The following VPS4A variants were observed in gnomAD, a reference collection of about 807,000 sequenced individuals.
VPS4A encodes vacuolar protein sorting-associated protein 4A.
In VPS4A, 20 loss-of-function variants were observed where a neutral mutation model predicts 52.3. The observed-to-expected ratio is 0.38, with a 90% CI of 0.27 to 0.56. The LOEUF (loss-of-function observed/expected upper bound fraction) is 0.56. Ranked by LOEUF, VPS4A falls within the 20% of genes least tolerant of loss-of-function variation. The pLI, the probability that VPS4A is intolerant of heterozygous loss-of-function variation, is 0.72. For missense variants in VPS4A, 419 were observed against 575.9 expected (o/e 0.73, Z 2.79); for synonymous variants, 293 against 227.7 (o/e 1.29, Z -2.58).
At chr16:69,316,633 C>T (rs962318127) in intron 3 of VPS4A, among the ~76,000 whole-genome samples, 3 of 152,190 alleles carry the variant, frequency 2.0e-5, no homozygotes, top group Non-Finnish European at 4.4e-5. Flanking sequence ...CCAGCTCTGT[C>T]ACCTCCCAGC....
rs1965596682 is a variant in VPS4A at position 69,326,422 on chromosome 16, C to T, written c.*2113C>T. 2 of 152,224 alleles carry T rather than the reference C, an allele frequency of 1.3e-5. No homozygotes were observed. The highest frequency in any genetic ancestry group is 1.5e-5 in the Non-Finnish European group (1 of 68,034). The allele number at this position is 152,224 out of a possible 1,614,324, so 9.4% of individuals were successfully genotyped here. A position where few individuals can be genotyped will look rare whatever the true frequency, so the allele number is the denominator to read the frequency against. The stretch of plus-strand genomic sequence containing the variant: ...TATGAACCGTGTCTGCAGAGCTTCA[C>T]TTTAGTGAGCTTACAAGTTTTTAAA... On this transcript the variant is annotated 3_prime_UTR_variant, in exon 11 of 11. Transcript: ENST00000254950.
At chr16:69,318,149 G>GT (rs1385873771) in intron 3 of VPS4A, among the ~76,000 whole-genome samples, 3 of 151,980 alleles carry the variant, frequency 2.0e-5, no homozygotes, top group East Asian at 1.9e-4. Context: ...CTAATTTTGT[G>GT]TTTTTTGTAG....
chr16:69,318,531 T>A, intron 3 of VPS4A, 119 bp from the exon 4 acceptor site: 2 of 1,125,370 alleles, frequency 1.8e-6, no homozygotes, highest in Middle Eastern at 2.8e-4. Flanking sequence ...ACGGCACTGT[T>A]AAGCCAGGAA....
At chr16:69,316,531 C>T (rs892347265) in intron 3 of VPS4A, among the ~76,000 whole-genome samples, 159 bp downstream of exon 3, 2 of 152,186 alleles carry the variant, frequency 1.3e-5, no homozygotes, top group Non-Finnish European at 2.9e-5. Flanking sequence ...GCCTGGAGCA[C>T]TTCCATGTTC....
At chr16:69,312,387 A>G (rs1965388081) in intron 1 of VPS4A, among the ~76,000 whole-genome samples, 1 of 152,174 alleles carries the variant, frequency 6.6e-6, no homozygotes, top group South Asian at 2.1e-4. Flanking sequence ...AAGGGACATC[A>G]GAGTTCCAGT....
chr16:69,318,801 C>G (rs201363243), intron 4 of VPS4A, 22 bp from the exon 5 acceptor site: 43 of 1,610,308 alleles, frequency 2.7e-5, no homozygotes, highest in Admixed American at 3.4e-5. Context: ...GGCCCGGGCC[C>G]GGGCCGGCCT....
At chr16:69,317,281 C>T (rs912407199) in intron 3 of VPS4A, among the ~76,000 whole-genome samples, 11 of 152,184 alleles carry the variant, frequency 7.2e-5, no homozygotes, top group African/African-American at 1.7e-4. Flanking sequence ...AGTTCCCTTT[C>T]GATTTCGGTT....
intron 1 of VPS4A, among the ~76,000 whole-genome samples, chr16:69,314,123 A>T (rs549602840): frequency 4.7e-5 from 7 of 150,246 alleles, no homozygotes; most frequent in African/African-American, 1.7e-4. Context: ...GCGTCACCAC[A>T]CCCGGCTAAC....
At position 69,320,550 on chromosome 16, in the gene VPS4A, C is replaced by T; in HGVS notation, c.770-138C>T. The T allele has an allele frequency of 2.3e-6, 2 of 855,518 alleles. No homozygotes were observed. Among genetic ancestry groups the T allele is most frequent in the Non-Finnish European group, 3.7e-6 (2 of 547,722 alleles). The allele number at this position is 855,518 out of a possible 1,614,324, so 53.0% of individuals were successfully genotyped here. On this transcript the variant is annotated intron_variant, in intron 7 of 10. Transcript: ENST00000254950. This position sits in a 1 kb window ranked among gnomAD's most constrained non-coding sequence, Gnocchi z 4.2. ...CAGACCAAGATGTGGTTTAATCTCA[C>T]TTGGGACCCTGCCAGTGGTGGGTGG...
chr16:69,311,456 G>A lies in VPS4A; in HGVS notation c.-56G>A. 2 of 1,267,258 alleles carry A rather than the reference G, an allele frequency of 1.6e-6. No individual in the cohort carries two copies. Among genetic ancestry groups the A allele is most frequent in the Non-Finnish European group, 2.0e-6 (2 of 997,158 alleles). The allele number at this position is 1,267,258 out of a possible 1,614,324, so 78.5% of individuals were successfully genotyped here. A position where few individuals can be genotyped will look rare whatever the true frequency, so the allele number is the denominator to read the frequency against. ...GGACCCAGTACCTCGGCTCCCCGGG[G>A]CCGGACCGAGGCCGCAAGCAGCGCC... On this transcript the variant is annotated 5_prime_UTR_variant, in exon 1 of 11. Transcript: ENST00000254950.
At chr16:69,323,813 G>A (rs977039263) in intron 10 of VPS4A, 1 of 376,522 alleles carries the variant, frequency 2.7e-6, no homozygotes, top group African/African-American at 2.1e-5. Flanking sequence ...AGCCATGTGT[G>A]GTGGCACGTG....
rs769744388 is a variant in VPS4A at position 69,318,729 on chromosome 16, C to G, written c.343+18C>G. The G allele has an allele frequency of 1.1e-5, 18 of 1,613,454 alleles. No homozygotes were observed. Among genetic ancestry groups the G allele is most frequent in the Non-Finnish European group, 1.5e-5 (18 of 1,179,762 alleles). On this transcript the variant is annotated intron_variant, in intron 4 of 10. Coordinates refer to ENST00000254950, the MANE Select transcript of VPS4A (RefSeq NM_013245.3). The stretch of plus-strand genomic sequence containing the variant: ...GCTGATGGGTAAGTGGCTCGCGGCC[C>G]TGTGGCAGCGGCAGGGGATGAGAGT...
Position 69,321,381 on chromosome 16 carries a change from T to G in VPS4A, c.1071+111T>G. The G allele has an allele frequency of 8.3e-7, 1 of 1,211,342 alleles. No individual in the cohort carries two copies. Among genetic ancestry groups the G allele is most frequent in the Non-Finnish European group, 1.1e-6 (1 of 870,810 alleles). The allele number at this position is 1,211,342 out of a possible 1,614,324, so 75.0% of individuals were successfully genotyped here. A position where few individuals can be genotyped will look rare whatever the true frequency, so the allele number is the denominator to read the frequency against. ...CCCCGGCTGCTCAGGTGACACAGTC[T>G]CTGAGGCCTCCTGGAGAGCCGAGGG... On this transcript the variant is annotated intron_variant, in intron 9 of 10. Coordinates refer to ENST00000254950, the MANE Select transcript of VPS4A (RefSeq NM_013245.3). The surrounding 1 kb of genome is among the most constrained non-coding windows in gnomAD (Gnocchi z 4.5).
Position 69,325,280 on chromosome 16 carries a change from C to A in VPS4A, c.*971C>A, listed in dbSNP as rs1328206311. On this transcript the variant is annotated 3_prime_UTR_variant, in exon 11 of 11. Transcript: ENST00000254950. ...GATCCAGACAGTTCTTGCCGTTGTTCGGCCTACAGATCAGAGACTGCAAAG... is the reference window on the plus strand; with the variant it reads ...GATCCAGACAGTTCTTGCCGTTGTTAGGCCTACAGATCAGAGACTGCAAAG... 6.6e-6 allele frequency: 1 copy of A among 152,218 alleles called. No homozygotes were observed. The allele number at this position is 152,218 out of a possible 1,614,324, so 9.4% of individuals were successfully genotyped here.
chr16:69,321,326 G>T lies in VPS4A; in HGVS notation c.1071+56G>T, dbSNP rs72795270. 205,869 of 1,390,526 alleles carry T rather than the reference G, an allele frequency of 0.15. 13,333 individuals are homozygous for T. The highest frequency in any genetic ancestry group is 0.27 in the African/African-American group (18,272 of 68,924). 86.1% of individuals were successfully genotyped at this position (1,390,526 alleles called of 1,614,324 possible). Reference sequence around the variant, plus strand: ...TCTCATAGTAAGAGCGGGATGTTCGGTTTTTTTTTTCCCAGCTCCTGGTCC... The same window carrying T: ...TCTCATAGTAAGAGCGGGATGTTCGTTTTTTTTTTTCCCAGCTCCTGGTCC... On this transcript the variant is annotated intron_variant, in intron 9 of 10. Transcript: ENST00000254950. The surrounding 1 kb of genome is among the most constrained non-coding windows in gnomAD (Gnocchi z 4.5).
At chr16:69,319,306 A>G in intron 5 of VPS4A, 81 bp from the exon 6 acceptor site, 1 of 1,564,442 alleles carries the variant, frequency 6.4e-7, no homozygotes. Context: ...GTTTTACTGT[A>G]TGTATGGGAC....
In VPS4A at chr16:69,325,987, G is replaced by C. The variant is rs1348352172; in HGVS notation, c.*1678G>C. On this transcript the variant is annotated 3_prime_UTR_variant, in exon 11 of 11. Coordinates refer to ENST00000254950, the MANE Select transcript of VPS4A (RefSeq NM_013245.3). ...AGCTGGCAGCCCTGGACCCACGTCC[G>C]GCAGGCAGTGAAGCTGCAGAGGCTG... 2 of 152,220 alleles carry C rather than the reference G, an allele frequency of 1.3e-5. No individual in the cohort carries two copies. Among genetic ancestry groups the C allele is most frequent in the African/African-American group, 2.4e-5 (1 of 41,396 alleles). The allele number at this position is 152,220 out of a possible 1,614,324, so 9.4% of individuals were successfully genotyped here. A position where few individuals can be genotyped will look rare whatever the true frequency, so the allele number is the denominator to read the frequency against.
At chr16:69,323,254 TCACA>T (rs1022362189) in intron 10 of VPS4A, 19 of 179,310 alleles carry the variant, frequency 1.1e-4, no homozygotes, top group Admixed American at 2.9e-4. Context: ...CCTCACGAGC[TCACA>T]CAATCTTCTG....
intron 9 of VPS4A, 148 bp from the exon 10 acceptor site, chr16:69,322,412 C>T (rs1366847911): frequency 2.5e-6 from 2 of 800,418 alleles, no homozygotes; most frequent in African/African-American, 3.5e-5. Flanking sequence ...TCGCTCGGAC[C>T]ACCCAGCCCG....
Sources: gnomAD v4.1 joint callset for allele counts (sites outside exome capture counted in the v4.1 genomes callset) on GRCh38, gnomAD v4.1.1 for gene constraint, Gnocchi (gnomAD v3.1) non-coding constraint, MANE v1.5 for transcripts, NCBI Gene and HGNC (gene_info 2026-07-23, HGNC 2026-07-21) for gene names.